TDRP: variants seen among roughly 807,000 people sequenced by gnomAD.
TDRP encodes testis development-related protein.
Under a neutral mutation model 10.5 loss-of-function variants are expected in TDRP, and 12 were observed. The ratio of observed to expected loss-of-function variants is 1.15; its 90% confidence interval spans 0.73 to 1.86. TDRP has a LOEUF of 1.86. Ranked by LOEUF, TDRP falls within the 40% of genes most tolerant of loss-of-function variation. TDRP has a pLI of 0.00. For synonymous variants in TDRP, 139 were observed against 95.4 expected (o/e 1.46, Z -2.67); for missense variants, 353 against 229.2 (o/e 1.54, Z -3.49).
At chr8:532,908 C>G (rs1292427152) in intron 1 of TDRP, among the ~76,000 whole-genome samples, 3 of 152,218 alleles carry the variant, frequency 2.0e-5, no homozygotes, top group Non-Finnish European at 4.4e-5. Flanking sequence ...GGTTCTGACA[C>G]TGCATGGACC....
At chr8:512,967 A>G (rs1408012795) in intron 1 of TDRP, among the ~76,000 whole-genome samples, 1 of 32,162 alleles carries the variant, frequency 3.1e-5, no homozygotes, top group African/African-American at 2.9e-4. Flanking sequence ...GCAAGATTTC[A>G]CCTCAAAAAA....
chr8:492,415 G>T lies in TDRP; in HGVS notation c.542C>A (p.Pro181Gln). ...CAGCCCCCCTCACTCCGCCTCCTCC[G>T]GGCTATCTGTCAGGTGGCCTTTACT... Reference protein sequence around the residue: ...RQSKGHLTDSPEEAE With the variant: ...RQSKGHLTDSQEEAE Residue 181 changes from proline to glutamine, a missense_variant, in exon 3 of 3, where the codon CCG becomes CAG. Transcript: ENST00000324079. The T allele has an allele frequency of 6.4e-7, 1 of 1,557,676 alleles. No individual in the cohort carries two copies. The highest frequency in any genetic ancestry group is 2.3e-5 in the East Asian group (1 of 43,856).
chr8:539,410 T>G (rs189389523), intron 1 of TDRP, among the ~76,000 whole-genome samples: 58 of 152,160 alleles, frequency 3.8e-4, no homozygotes, highest in Non-Finnish European at 4.4e-4. Flanking sequence ...AAATAAATGT[T>G]TGTTGTTGAA....
At chr8:542,814 G>A (rs1000832663) in intron 1 of TDRP, among the ~76,000 whole-genome samples, 3 of 140,642 alleles carry the variant, frequency 2.1e-5, no homozygotes, top group East Asian at 2.2e-4. Context: ...CTGAGATCAC[G>A]CCACTGCACC....
chr8:531,429 C>T (rs1458869932), intron 1 of TDRP, among the ~76,000 whole-genome samples: 1 of 152,096 alleles, frequency 6.6e-6, no homozygotes, highest in East Asian at 1.9e-4. Context: ...GAAGTGGGTG[C>T]AGTCTTGCGG....
chr8:506,588 G>A (rs1257507707), intron 1 of TDRP, among the ~76,000 whole-genome samples: 1 of 152,172 alleles, frequency 6.6e-6, no homozygotes, highest in African/African-American at 2.4e-5. Flanking sequence ...ACCCTTCCTG[G>A]GCTCGAGAGG....
At chr8:511,764 G>C (rs893158203) in intron 1 of TDRP, among the ~76,000 whole-genome samples, 4 of 152,194 alleles carry the variant, frequency 2.6e-5, no homozygotes, top group African/African-American at 9.7e-5. Flanking sequence ...ATAATGGAAT[G>C]AAATTAGAAA....
chr8:532,395 T>A (rs1043814830), intron 1 of TDRP, among the ~76,000 whole-genome samples: 4 of 152,228 alleles, frequency 2.6e-5, no homozygotes, highest in Non-Finnish European at 5.9e-5. Context: ...AGCAAGATGA[T>A]GAACCCATCA....
At chr8:512,742 A>C (rs1429550600) in intron 1 of TDRP, among the ~76,000 whole-genome samples, 3 of 152,198 alleles carry the variant, frequency 2.0e-5, no homozygotes, top group Non-Finnish European at 2.9e-5. Context: ...TTGTAGGCAA[A>C]GGTGGGCAGA....
intron 1 of TDRP, among the ~76,000 whole-genome samples, chr8:499,445 G>A (rs1801226239): frequency 6.6e-6 from 1 of 152,148 alleles, no homozygotes; most frequent in Non-Finnish European, 1.5e-5. Context: ...GCACCTGGGT[G>A]GCTGCTGCAC....
At chr8:506,060 G>A (rs1052847908) in intron 1 of TDRP, among the ~76,000 whole-genome samples, 2 of 152,048 alleles carry the variant, frequency 1.3e-5, no homozygotes, top group Admixed American at 6.6e-5. Flanking sequence ...ATTCAGCCAT[G>A]GCCGCTTTCC....
intron 1 of TDRP, among the ~76,000 whole-genome samples, chr8:496,050 C>G (rs59018237): frequency 6.6e-6 from 1 of 152,222 alleles, no homozygotes; most frequent in African/African-American, 2.4e-5. Context: ...GCAGTACCCA[C>G]GCCAAAGAAA....
chr8:540,639 T>G (rs1489716690), intron 1 of TDRP, among the ~76,000 whole-genome samples: 1 of 152,106 alleles, frequency 6.6e-6, no homozygotes, highest in African/African-American at 2.4e-5. Flanking sequence ...AGATGTGTAT[T>G]TATGACCAAA....
At chr8:506,589 G>A (rs914115354) in intron 1 of TDRP, among the ~76,000 whole-genome samples, 12 of 152,174 alleles carry the variant, frequency 7.9e-5, no homozygotes, top group East Asian at 3.9e-4. Context: ...CCCTTCCTGG[G>A]CTCGAGAGGT....
chr8:539,900 C>G (rs201949288), intron 1 of TDRP, among the ~76,000 whole-genome samples: 3 of 152,208 alleles, frequency 2.0e-5, no homozygotes, highest in Admixed American at 6.5e-5. Context: ...TTTAAAACAC[C>G]TGAAACACTC....
chr8:512,767 G>C (rs964049667), intron 1 of TDRP, among the ~76,000 whole-genome samples: 12 of 152,148 alleles, frequency 7.9e-5, no homozygotes, highest in Admixed American at 3.9e-4. Flanking sequence ...CTGAGGCCAT[G>C]AATTTGAGAA....
intron 1 of TDRP, among the ~76,000 whole-genome samples, chr8:528,286 G>C (rs1172874998): frequency 6.6e-6 from 1 of 152,146 alleles, no homozygotes; most frequent in Non-Finnish European, 1.5e-5. Flanking sequence ...GTGGAGAAAA[G>C]GAAACCGTTG....
intron 1 of TDRP, among the ~76,000 whole-genome samples, chr8:532,877 C>A (rs1802244066): frequency 6.6e-6 from 1 of 152,134 alleles, no homozygotes; most frequent in Non-Finnish European, 1.5e-5. Flanking sequence ...GCTGCTTTCA[C>A]CTGCAACTGC....
intron 1 of TDRP, among the ~76,000 whole-genome samples, chr8:524,752 C>G (rs1459121052): frequency 6.6e-6 from 1 of 152,118 alleles, no homozygotes; most frequent in East Asian, 1.9e-4. Context: ...ATTGAAAATA[C>G]ACAGTCAGAG....
Sources: gnomAD v4.1 joint callset for allele counts (sites outside exome capture counted in the v4.1 genomes callset) on GRCh38, gnomAD v4.1.1 for gene constraint, MANE v1.5 for transcripts, NCBI Gene and HGNC (gene_info 2026-07-23, HGNC 2026-07-21) for gene names.